The following AHCYL2 variants were observed in gnomAD, a reference collection of about 807,000 sequenced individuals.
The protein encoded by AHCYL2 is S-adenosylhomocysteine hydrolase-like protein 2.
In AHCYL2, 28 loss-of-function variants were observed where a neutral mutation model predicts 81.4. The ratio of observed to expected loss-of-function variants is 0.34; its 90% CI spans 0.25 to 0.47. The LOEUF is 0.47. Ranked by LOEUF, AHCYL2 falls within the 20% of genes least tolerant of loss-of-function variation. AHCYL2 has a pLI of 1.00. For missense variants in AHCYL2, 551 were observed against 785.1 expected (o/e 0.70, Z 3.56); for synonymous variants, 272 against 290.2 (o/e 0.94, Z 0.64).
chr7:129,420,515 T>C (rs73234756), intron 12 of AHCYL2, among the ~76,000 whole-genome samples: 9,038 of 151,140 alleles, frequency 0.06, 390 homozygotes, highest in Admixed American at 0.086. Context: ...ATCTCACTGT[T>C]ACCACCCAGA....
intron 1 of AHCYL2, among the ~76,000 whole-genome samples, chr7:129,312,242 G>C (rs1797684593): frequency 6.6e-6 from 1 of 152,116 alleles, no homozygotes; most frequent in South Asian, 2.1e-4. Flanking sequence ...TCACCACCAT[G>C]CCTGGCTAAT....
rs181329878 is a variant in AHCYL2 at position 129,380,368 on chromosome 7, C to T, written c.475+619C>T. Reference sequence around the variant, plus strand: ...TGAAGGCATCGGCTAGTATGCTAAACGCTGCCTAGTATGAGTCGGATTTAA... The same window carrying T: ...TGAAGGCATCGGCTAGTATGCTAAATGCTGCCTAGTATGAGTCGGATTTAA... On this transcript the variant is annotated intron_variant, in intron 2 of 16. Transcript: ENST00000325006. Among the ~76,000 whole-genome samples, 516 of 152,268 alleles carry T rather than the reference C, an allele frequency of 3.4e-3. 1 individual carries two copies. Among genetic ancestry groups the T allele is most frequent in the African/African-American group, 0.012 (483 of 41,562 alleles).
Position 129,368,814 on chromosome 7 carries a change from G to A in AHCYL2, c.364-10824G>A, listed in dbSNP as rs1197723054. On this transcript the variant is annotated intron_variant, in intron 1 of 16. Transcript: ENST00000325006. The surrounding 1 kb of genome is among the most constrained non-coding windows in gnomAD (Gnocchi z 4.4). The stretch of plus-strand genomic sequence containing the variant: ...CTCTGGTGGGCAGGGGCTTTCCTCC[G>A]GCTGCTGGTGTGATGTATGGGTTGT... 2.0e-5 allele frequency among the ~76,000 whole-genome samples: 3 copies of A among 152,158 alleles called. No individual in the cohort carries two copies. Among genetic ancestry groups the A allele is most frequent in the African/African-American group, 4.8e-5 (2 of 41,430 alleles).
intron 1 of AHCYL2, among the ~76,000 whole-genome samples, chr7:129,263,378 C>T (rs1345357651): frequency 6.6e-6 from 1 of 152,190 alleles, no homozygotes; most frequent in African/African-American, 2.4e-5. Context: ...TTGGCTAAAG[C>T]AAGTCATGTG....
intron 1 of AHCYL2, among the ~76,000 whole-genome samples, chr7:129,228,956 T>TG (rs1794321647): frequency 6.6e-6 from 1 of 152,214 alleles, no homozygotes; most frequent in Admixed American, 6.5e-5. Flanking sequence ...CATGGGAATG[T>TG]GGTAGCAGTA....
intron 1 of AHCYL2, among the ~76,000 whole-genome samples, chr7:129,237,021 T>C (rs1019355009): frequency 6.6e-6 from 1 of 152,182 alleles, no homozygotes; most frequent in African/African-American, 2.4e-5. Flanking sequence ...ATATTCTGGA[T>C]ATTAATTATT....
At chr7:129,374,967 A>G (rs1794606722) in intron 1 of AHCYL2, among the ~76,000 whole-genome samples, 1 of 152,016 alleles carries the variant, frequency 6.6e-6, no homozygotes, top group Non-Finnish European at 1.5e-5. Context: ...TCTCTTTCAG[A>G]AATCAGCAAA....
chr7:129,242,247 A>G (rs1794885373), intron 1 of AHCYL2, among the ~76,000 whole-genome samples: 1 of 152,020 alleles, frequency 6.6e-6, no homozygotes, highest in African/African-American at 2.4e-5. Context: ...TCTGGTCTCA[A>G]ACTCCTCCTG....
chr7:129,231,187 C>T (rs1563159112), intron 1 of AHCYL2, among the ~76,000 whole-genome samples: 1 of 151,888 alleles, frequency 6.6e-6, no homozygotes, highest in Non-Finnish European at 1.5e-5. Context: ...TTGCAGTGAG[C>T]CGAGATCATG....
At chr7:129,321,766 G>GTTTTTTTTTTTTTTT (rs1315391980) in intron 1 of AHCYL2, among the ~76,000 whole-genome samples, 19 of 107,458 alleles carry the variant, frequency 1.8e-4, no homozygotes, top group Non-Finnish European at 2.6e-4. Flanking sequence ...TTTTTTTTTG[G>GTTTTTTTTTTTTTTT]TCTTGGTTTT....
intron 1 of AHCYL2, among the ~76,000 whole-genome samples, chr7:129,301,969 G>A (rs181293312): frequency 9.2e-5 from 14 of 152,036 alleles, no homozygotes; most frequent in Admixed American, 3.3e-4. Flanking sequence ...GCTTTAGGTA[G>A]GATGGACATT....
At chr7:129,256,828 T>A (rs975815784) in intron 1 of AHCYL2, among the ~76,000 whole-genome samples, 4 of 151,958 alleles carry the variant, frequency 2.6e-5, no homozygotes, top group Non-Finnish European at 5.9e-5. Flanking sequence ...CCAAATGCAA[T>A]AGAGGTTTTT....
chr7:129,334,313 CT>C (rs1252773559), intron 1 of AHCYL2, among the ~76,000 whole-genome samples: 1 of 152,120 alleles, frequency 6.6e-6, no homozygotes, highest in East Asian at 1.9e-4. Context: ...GCAGTCCTCT[CT>C]ATTTTGTTTT....
In AHCYL2 at chr7:129,419,875, C is replaced by G. The variant is rs978870779; in HGVS notation, c.1462-2965C>G. Among the ~76,000 whole-genome samples the G allele has an allele frequency of 1.3e-5, 2 of 152,232 alleles. No homozygotes were observed. The highest frequency in any genetic ancestry group is 4.1e-4 in the South Asian group (2 of 4,824). ...TAGTCTGCACAGGAATCCCTTTTCC[C>G]GGTAGGTTGTTTAGTGATTATAGGT... On this transcript the variant is annotated intron_variant, in intron 12 of 16. Transcript: ENST00000325006. The surrounding 1 kb of genome is among the most constrained non-coding windows in gnomAD (Gnocchi z 4.7).
rs542740781 is a variant in AHCYL2 at position 129,332,991 on chromosome 7, G to A, written c.364-46647G>A. 1.2e-4 allele frequency among the ~76,000 whole-genome samples: 19 copies of A among 152,244 alleles called. No individual in the cohort carries two copies. The East Asian group carries it at 3.3e-3, about 26-fold the overall frequency. Reference sequence around the variant, plus strand: ...TCTTCCCAGCAGCTGAGAGATATGGGTGACTAATAATTTTTTCTCTATTTG... The same window carrying A: ...TCTTCCCAGCAGCTGAGAGATATGGATGACTAATAATTTTTTCTCTATTTG... On this transcript the variant is annotated intron_variant, in intron 1 of 16. Transcript: ENST00000325006.
At chr7:129,376,992 G>C (rs1177966502) in intron 1 of AHCYL2, among the ~76,000 whole-genome samples, 2 of 152,046 alleles carry the variant, frequency 1.3e-5, no homozygotes, top group East Asian at 3.9e-4. Flanking sequence ...CTTTAGACTT[G>C]GTTTATGTTT....
At chr7:129,325,675 T>C (rs1448063976) in intron 1 of AHCYL2, among the ~76,000 whole-genome samples, 1 of 152,156 alleles carries the variant, frequency 6.6e-6, no homozygotes, top group Non-Finnish European at 1.5e-5. Context: ...GAAGTTGCCC[T>C]CCAGTTCATG....
At chr7:129,374,823 A>C (rs1413012310) in intron 1 of AHCYL2, among the ~76,000 whole-genome samples, 3 of 151,708 alleles carry the variant, frequency 2.0e-5, no homozygotes, top group Non-Finnish European at 4.4e-5. Context: ...AAAAAAAAAA[A>C]AATCTGCCAT....
chr7:129,395,344 G>A (rs1051095559), intron 4 of AHCYL2, among the ~76,000 whole-genome samples: 3 of 152,146 alleles, frequency 2.0e-5, no homozygotes, highest in Admixed American at 6.5e-5. Flanking sequence ...TTGGATCTCT[G>A]GTGCAGTCTC....
Sources: gnomAD v4.1 joint callset for allele counts (sites outside exome capture counted in the v4.1 genomes callset) on GRCh38, gnomAD v4.1.1 for gene constraint, Gnocchi (gnomAD v3.1) non-coding constraint, MANE v1.5 for transcripts, NCBI Gene and HGNC (gene_info 2026-07-23, HGNC 2026-07-21) for gene names.